EARS2: variants seen among roughly 807,000 people sequenced by gnomAD.
EARS2 encodes nondiscriminating glutamyl-tRNA synthetase EARS2, mitochondrial.
EARS2 carries 50 observed loss-of-function variants against 54.1 expected under a neutral mutation model. That is an observed-to-expected ratio of 0.92 (90% CI 0.74 to 1.17). EARS2 has a LOEUF of 1.17. Ranked by LOEUF, EARS2 falls within the 50% of genes most tolerant of loss-of-function variation. The probability of loss-of-function intolerance (pLI) is 0.00; values close to 1 mark genes in which losing one functional copy is unlikely to be tolerated. For missense variants in EARS2, 673 were observed against 675.0 expected, an observed-to-expected ratio of 1.00 and a Z score of 0.03; for synonymous variants, 298 against 281.0, an observed-to-expected ratio of 1.06 and a Z score of -0.61.
rs553940058 is a variant in EARS2, at chr16:23,531,066, T to C, written c.1068-1169A>G. Among the ~76,000 whole-genome samples, 172 of 148,936 alleles carry C rather than the reference T, an allele frequency of 1.2e-3. 3 individuals carry two copies. The South Asian group carries it at 0.034, about 30-fold the overall frequency. On this transcript the variant is annotated intron_variant, in intron 5 of 8. Coordinates refer to ENST00000449606, the MANE Select transcript of EARS2 (RefSeq NM_001083614.2). Reference sequence around the variant, plus strand: ...GCCACGTCGGGCTGATTTTTTTTTTTTTTTCTATTTTTAGTAGAAATGTGG... The same window carrying C: ...GCCACGTCGGGCTGATTTTTTTTTTCTTTTCTATTTTTAGTAGAAATGTGG...
Position 23,524,120 on chromosome 16 carries a change from G to A in EARS2, c.*251C>T, listed in dbSNP as rs1965184364. The stretch of plus-strand genomic sequence containing the variant: ...ACTCCAAACCTCTGCTGTGTAATGT[G>A]TGAGAAACCAGACCCGGAGAATGCC... On this transcript the variant is annotated 3_prime_UTR_variant, in exon 9 of 9. Coordinates refer to ENST00000449606, the MANE Select transcript of EARS2 (RefSeq NM_001083614.2). 4 of 557,498 alleles carry A rather than the reference G, an allele frequency of 7.2e-6. No individual in the cohort carries two copies. The highest frequency in any genetic ancestry group is 3.1e-5 in the Admixed American group (1 of 32,068). 34.5% of individuals were successfully genotyped at this position (557,498 alleles called of 1,614,324 possible). A position where few individuals can be genotyped will look rare whatever the true frequency, so the allele number is the denominator to read the frequency against.
chr16:23,550,356 G>T (rs1965673303), intron 2 of EARS2, among the ~76,000 whole-genome samples: 1 of 140,048 alleles, frequency 7.1e-6, no homozygotes, highest in Admixed American at 7.4e-5. Flanking sequence ...AACAGAGCAA[G>T]ATTTTGTTTG....
intron 7 of EARS2, among the ~76,000 whole-genome samples, chr16:23,526,293 G>A (rs984321983): frequency 3.9e-5 from 6 of 151,920 alleles, no homozygotes; most frequent in African/African-American, 1.4e-4. Flanking sequence ...TGTATTTTTA[G>A]TAGAGACAGG....
chr16:23,549,416 T>C (rs1360029100), intron 2 of EARS2, among the ~76,000 whole-genome samples: 1 of 152,200 alleles, frequency 6.6e-6, no homozygotes, highest in Non-Finnish European at 1.5e-5. Flanking sequence ...TGCAGCCTGC[T>C]GGGCCAAATG....
At chr16:23,533,014 T>C (rs1164479004) in intron 4 of EARS2, among the ~76,000 whole-genome samples, 1 of 152,160 alleles carries the variant, frequency 6.6e-6, no homozygotes, top group African/African-American at 2.4e-5. Flanking sequence ...GAGCCAGGCA[T>C]GGTGGCTTAC....
intron 2 of EARS2, among the ~76,000 whole-genome samples, chr16:23,550,332 G>A (rs907756789): frequency 6.0e-5 from 9 of 149,020 alleles, no homozygotes; most frequent in Middle Eastern, 7.1e-3. Context: ...GAACCACTGC[G>A]CTCTAGCCTG....
At chr16:23,541,997 T>A (rs1965520320) in intron 3 of EARS2, among the ~76,000 whole-genome samples, 1 of 152,090 alleles carries the variant, frequency 6.6e-6, no homozygotes, top group African/African-American at 2.4e-5. Flanking sequence ...TAGCTGGGAT[T>A]ATAGGCACCC....
chr16:23,527,550 CTT>C (rs33925429), intron 7 of EARS2, among the ~76,000 whole-genome samples: 911 of 84,538 alleles, frequency 0.011, 2 homozygotes, highest in African/African-American at 0.021. Context: ...AGTGATCGTT[CTT>C]TTTTTTTTTT....
chr16:23,528,931 C>T (rs371703400), intron 7 of EARS2, among the ~76,000 whole-genome samples: 4 of 152,182 alleles, frequency 2.6e-5, no homozygotes, highest in Non-Finnish European at 5.9e-5. Context: ...TTACCTGATA[C>T]ACAGCCTCTG....
chr16:23,544,395 A>G, intron 3 of EARS2, 119 bp downstream of exon 3: 4 of 1,055,358 alleles, frequency 3.8e-6, no homozygotes, highest in East Asian at 2.6e-5. Context: ...GGCCACGCTC[A>G]GATGCCTGAC....
intron 4 of EARS2, 53 bp from the exon 5 acceptor site, chr16:23,532,818 C>T: frequency 2.3e-6 from 3 of 1,295,336 alleles, no homozygotes; most frequent in Non-Finnish European, 2.2e-6. Context: ...TTCCTCCTTC[C>T]ACTTTATCTC....
At chr16:23,536,715 C>T (rs1399715950) in intron 3 of EARS2, among the ~76,000 whole-genome samples, 5 of 143,170 alleles carry the variant, frequency 3.5e-5, no homozygotes, top group African/African-American at 1.0e-4. Context: ...TAGAGTCTCG[C>T]TGTGTCACCC....
rs1038526062 is a variant in EARS2, at chr16:23,544,625, G to A, written c.374C>T (p.Ala125Val). 6.2e-7 allele frequency: 1 copy of A among 1,612,796 alleles called. No homozygotes were observed. The highest frequency in any genetic ancestry group is 1.3e-5 in the African/African-American group (1 of 75,030). ...CTTCAGCAGCGCTTCTGTGGCCTGG[G>A]CATACAGCTCCAACCGCTGAGATTG... ...YQQSQRLELY[A>V]QATEALLKTG... is the part of the protein sequence containing the mutation. Residue 125 changes from alanine (A) to valine (V), a missense_variant, in exon 3 of 9, where the codon GCC becomes GTC. Coordinates refer to ENST00000449606, the MANE Select transcript of EARS2 (RefSeq NM_001083614.2).
At chr16:23,548,318 T>C (rs1965639431) in intron 2 of EARS2, among the ~76,000 whole-genome samples, 1 of 151,384 alleles carries the variant, frequency 6.6e-6, no homozygotes, top group South Asian at 2.1e-4. Flanking sequence ...CAAAGTAAGG[T>C]GCTCCAGAAG....
intron 5 of EARS2, among the ~76,000 whole-genome samples, chr16:23,531,964 T>C (rs1399025081): frequency 1.3e-5 from 2 of 152,136 alleles, no homozygotes; most frequent in African/African-American, 2.4e-5. Context: ...TACAAGCATG[T>C]GCCATGTCCA....
At chr16:23,545,625 G>C (rs138677429) in intron 2 of EARS2, among the ~76,000 whole-genome samples, 6 of 152,256 alleles carry the variant, frequency 3.9e-5, no homozygotes, top group African/African-American at 1.4e-4. Flanking sequence ...CACCGGAGCC[G>C]ATATTCTTAA....
intron 3 of EARS2, among the ~76,000 whole-genome samples, chr16:23,536,743 C>G (rs1159748015): frequency 7.2e-6 from 1 of 138,582 alleles, no homozygotes; most frequent in Admixed American, 7.7e-5. Context: ...AGTGCAGTGT[C>G]GTGACCTTGA....
chr16:23,550,435 C>CTTTATGGTCT (rs1555504580), intron 2 of EARS2, among the ~76,000 whole-genome samples: 2 of 100,614 alleles, frequency 2.0e-5, no homozygotes, highest in African/African-American at 3.9e-5. Flanking sequence ...AGCACATGGT[C>CTTTATGGTCT]TTTTTTTTTT....
intron 1 of EARS2, 148 bp from the exon 2 acceptor site, chr16:23,552,452 T>G: frequency 1.1e-6 from 1 of 907,764 alleles, no homozygotes; most frequent in Non-Finnish European, 1.6e-6. Flanking sequence ...CCTACCACTT[T>G]GGGAGGCCAA....
Sources: allele counts gnomAD v4.1 joint callset (sites outside exome capture counted in the v4.1 genomes callset), GRCh38; gene constraint gnomAD v4.1.1; transcripts MANE v1.5; gene names NCBI Gene and HGNC (gene_info 2026-07-23, HGNC 2026-07-21).